ATF3: variants seen among roughly 807,000 people sequenced by gnomAD.
The protein encoded by ATF3 is cyclic AMP-dependent transcription factor ATF-3.
Under a neutral mutation model 18.4 loss-of-function variants are expected in ATF3, and 10 were observed. That is an observed-to-expected ratio of 0.54 (90% CI 0.34 to 0.92). The LOEUF (loss-of-function observed/expected upper bound fraction) is 0.92, where lower values mean the gene tolerates loss of function less well. Ranked by LOEUF, ATF3 falls within the 40% of genes least tolerant of loss-of-function variation. The pLI is 0.02. For missense variants in ATF3, 183 were observed against 222.3 expected (o/e 0.82, Z 1.12); for synonymous variants, 78 against 87.9 (o/e 0.89, Z 0.63).
exon 1 of ATF3, chr1:212,565,433 T>C (rs890801072): frequency 4.6e-5 from 7 of 152,182 alleles, no homozygotes; most frequent in Non-Finnish European, 8.8e-5. Context: ...TCCTCCTCTA[T>C]ATAGGATGCT....
chr1:212,579,995 A>AT (rs1291508708), intron 1 of ATF3, among the ~76,000 whole-genome samples: 2 of 151,718 alleles, frequency 1.3e-5, no homozygotes, highest in African/African-American at 4.8e-5. Flanking sequence ...AAAAAAAAAA[A>AT]ACTTAGCTGG....
intron 1 of ATF3, among the ~76,000 whole-genome samples, chr1:212,567,757 T>C (rs1664409995): frequency 6.6e-6 from 1 of 152,180 alleles, no homozygotes; most frequent in Non-Finnish European, 1.5e-5. Flanking sequence ...GTTTTAAAGA[T>C]GGGGGCAGAA....
intron 1 of ATF3, chr1:212,613,937 C>T (rs1247088473): frequency 6.6e-6 from 1 of 152,206 alleles, no homozygotes; most frequent in African/African-American, 2.4e-5. Context: ...AAATACATCA[C>T]TGAAGCTTCT....
At chr1:212,591,805 G>A (rs983275742) in intron 1 of ATF3, among the ~76,000 whole-genome samples, 1 of 152,026 alleles carries the variant, frequency 6.6e-6, no homozygotes, top group Non-Finnish European at 1.5e-5. Context: ...AGGGTAGGAT[G>A]GGCATTTTTT....
At chr1:212,576,914 G>T (rs867805936) in intron 1 of ATF3, among the ~76,000 whole-genome samples, 12 of 150,716 alleles carry the variant, frequency 8.0e-5, no homozygotes, top group African/African-American at 2.7e-4. Flanking sequence ...TGTATTTTTA[G>T]TAGAGACGGG....
intron 1 of ATF3, among the ~76,000 whole-genome samples, chr1:212,589,503 G>A (rs992117880): frequency 2.6e-5 from 4 of 151,974 alleles, no homozygotes; most frequent in African/African-American, 7.3e-5. Context: ...AAAAAGTTGG[G>A]GGAAAGGAAT....
Position 212,609,964 on chromosome 1 carries a change from A to G in ATF3, c.-5+1034A>G, listed in dbSNP as rs149965139. ...AGGTCCTTTCTGTCTGGAGATTTTC[A>G]GATTTTGGAGTGGTGTAGTGGGGAG... On this transcript the variant is annotated intron_variant, in intron 1 of 3. Coordinates refer to ENST00000341491, the MANE Select transcript of ATF3 (RefSeq NM_001674.4). 4.5e-3 allele frequency among the ~76,000 whole-genome samples: 681 copies of G among 152,236 alleles called. 10 individuals carry two copies. The highest frequency in any genetic ancestry group is 0.016 in the African/African-American group (652 of 41,544).
At chr1:212,599,228 C>A (rs1367734737) in intron 1 of ATF3, among the ~76,000 whole-genome samples, 1 of 152,150 alleles carries the variant, frequency 6.6e-6, no homozygotes, top group Non-Finnish European at 1.5e-5. Flanking sequence ...AAGTTGTAAT[C>A]TCTTTGTGAA....
At chr1:212,595,376 C>T (rs1558232313) in intron 1 of ATF3, among the ~76,000 whole-genome samples, 2 of 152,234 alleles carry the variant, frequency 1.3e-5, no homozygotes, top group Non-Finnish European at 2.9e-5. Context: ...TCAGCAGCCC[C>T]AGGCTACAGC....
Position 212,584,886 on chromosome 1 carries a change from C to G in ATF3, c.-5+19403C>G, listed in dbSNP as rs567462884. Among the ~76,000 whole-genome samples, 13 of 152,320 alleles carry G rather than the reference C, an allele frequency of 8.5e-5. No individual in the cohort carries two copies. In the South Asian group the frequency reaches 2.7e-3, roughly 32 times the overall value. On this transcript the variant is annotated intron_variant, in intron 1 of 3. Transcript: ENST00000366981. ...AACCTTTGTGGGAACTTTCTGGTCA[C>G]TCAGATAGCAGGGCCCCAGGCAGGC...
intron 1 of ATF3, chr1:212,613,545 C>T (rs1361204650): frequency 6.6e-6 from 1 of 152,182 alleles, no homozygotes; most frequent in Non-Finnish European, 1.5e-5. Flanking sequence ...TAGATCTTAA[C>T]TCACTGGGTT....
chr1:212,581,669 A>G (rs541791465), intron 1 of ATF3, among the ~76,000 whole-genome samples: 1 of 152,332 alleles, frequency 6.6e-6, no homozygotes, highest in African/African-American at 2.4e-5. Context: ...AATGCAAACC[A>G]TACAATGGTG....
chr1:212,584,199 C>T (rs760009112), intron 1 of ATF3, among the ~76,000 whole-genome samples: 4 of 152,144 alleles, frequency 2.6e-5, no homozygotes, highest in Non-Finnish European at 4.4e-5. Context: ...TTTTACCGTC[C>T]GGACAGATTT....
chr1:212,598,446 C>G (rs1405199329), intron 1 of ATF3, among the ~76,000 whole-genome samples: 1 of 152,208 alleles, frequency 6.6e-6, no homozygotes, highest in Non-Finnish European at 1.5e-5. Context: ...TCCCCTTAAG[C>G]ATTTATCCTT....
rs551944800 is a variant in ATF3 at position 212,617,947 on chromosome 1, G to A, written c.241-180G>A. On this transcript the variant is annotated intron_variant, in intron 2 of 3. Transcript: ENST00000341491. ...TGTTCACTCACGTGTGTGTGTGTGC[G>A]TGTGTGTGTGTGTGTGTGTAGGGGT... Among the ~76,000 whole-genome samples the A allele has an allele frequency of 3.9e-4, 5 of 12,772 alleles. No homozygotes were observed. The South Asian group carries it at 5.1e-3, about 13-fold the overall frequency. 8.4% of individuals were successfully genotyped at this position (12,772 alleles called of 152,430 possible). A position where few individuals can be genotyped will look rare whatever the true frequency, so the allele number is the denominator to read the frequency against.
intron 1 of ATF3, among the ~76,000 whole-genome samples, chr1:212,580,327 C>CTTTT (rs113977243): frequency 6.9e-6 from 1 of 145,838 alleles, no homozygotes; most frequent in Non-Finnish European, 1.5e-5. Context: ...CAAATTTCCA[C>CTTTT]TTTTTTTTTT....
At chr1:212,594,436 A>C (rs1228890108) in intron 1 of ATF3, among the ~76,000 whole-genome samples, 2 of 152,166 alleles carry the variant, frequency 1.3e-5, no homozygotes, top group African/African-American at 4.8e-5. Context: ...AAAACCTAAC[A>C]ATTTTCCAGA....
At chr1:212,607,406 G>A (rs2102646008), upstream of ATF3, among the ~76,000 whole-genome samples, 1 of 152,356 alleles carries the variant, frequency 6.6e-6, no homozygotes, top group Middle Eastern at 3.4e-3. Context: ...GTCATCCACG[G>A]GCAGTCAAGA....
chr1:212,605,465 A>G (rs1213789975), upstream of ATF3, among the ~76,000 whole-genome samples: 2 of 152,262 alleles, frequency 1.3e-5, no homozygotes, highest in Non-Finnish European at 2.9e-5. Context: ...CAGAGCTGCT[A>G]GTACTCTGCC....
Sources: gnomAD v4.1 joint callset for allele counts (sites outside exome capture counted in the v4.1 genomes callset) on GRCh38, gnomAD v4.1.1 for gene constraint, MANE v1.5 for transcripts, NCBI Gene and HGNC (gene_info 2026-07-23, HGNC 2026-07-21) for gene names.